The following REC114 variants were observed in gnomAD, a reference collection of about 807,000 sequenced individuals.
REC114 encodes REC114 meiotic recombination protein.
A neutral mutation model predicts 31.3 loss-of-function variants in REC114; 27 were observed. That is an observed-to-expected ratio of 0.86 (90% CI 0.64 to 1.19). The LOEUF (loss-of-function observed/expected upper bound fraction) is 1.19, where lower values mean the gene tolerates loss of function less well. Ranked by LOEUF, REC114 falls within the 50% of genes most tolerant of loss-of-function variation. The pLI, the probability that REC114 is intolerant of heterozygous loss-of-function variation, is 0.00. For missense variants in REC114, 344 were observed against 326.9 expected, an observed-to-expected ratio of 1.05 and a Z score of -0.40; for synonymous variants, 134 against 127.7, an observed-to-expected ratio of 1.05 and a Z score of -0.33.
chr15:73,484,224 G>GT (rs1893335796), intron 2 of REC114, among the ~76,000 whole-genome samples: 1 of 152,096 alleles, frequency 6.6e-6, no homozygotes, highest in Non-Finnish European at 1.5e-5. Flanking sequence ...CTTGGATGAG[G>GT]TGTAGGATAA....
chr15:73,554,344 G>A (rs561308212), intron 4 of REC114, among the ~76,000 whole-genome samples: 4 of 152,220 alleles, frequency 2.6e-5, no homozygotes, highest in East Asian at 1.9e-4. Context: ...CGTCTTAAGC[G>A]GCACAAGCCA....
At chr15:73,551,672 G>A (rs1266912881) in intron 4 of REC114, among the ~76,000 whole-genome samples, 1 of 152,160 alleles carries the variant, frequency 6.6e-6, no homozygotes, top group East Asian at 1.9e-4. Flanking sequence ...GCACCTGTGT[G>A]ACATTTGTAT....
At chr15:73,554,301 A>G (rs962020475) in intron 4 of REC114, among the ~76,000 whole-genome samples, 11 of 152,108 alleles carry the variant, frequency 7.2e-5, no homozygotes, top group Non-Finnish European at 1.5e-4. Context: ...TCTGTTGTAC[A>G]AATTTTGGTA....
chr15:73,453,281 T>C (rs1892875160), intron 1 of REC114, among the ~76,000 whole-genome samples: 1 of 152,118 alleles, frequency 6.6e-6, no homozygotes, highest in Non-Finnish European at 1.5e-5. Context: ...TTAAACAAAT[T>C]TACAAGAAAA....
intron 1 of REC114, among the ~76,000 whole-genome samples, chr15:73,444,569 C>T (rs887842519): frequency 1.3e-5 from 2 of 152,302 alleles, no homozygotes; most frequent in African/African-American, 4.8e-5. Flanking sequence ...TTCTAGTTCT[C>T]TTGCTCTTTC....
In REC114 at chr15:73,476,157, CT is replaced by C. The variant is rs202061557; in HGVS notation, c.249+2237del. 2.7e-3 allele frequency among the ~76,000 whole-genome samples: 407 copies of C among 152,184 alleles called. 2 individuals carry two copies. Among genetic ancestry groups the C allele is most frequent in the African/African-American group, 9.4e-3 (392 of 41,516 alleles). On this transcript the variant is annotated intron_variant, in intron 2 of 5. Coordinates refer to ENST00000331090, the MANE Select transcript of REC114 (RefSeq NM_001042367.2). ...AATGACACATTTCTTAGAACATATC[CT>C]CATTGTTAAGTGACATATGACTATA...
intron 4 of REC114, among the ~76,000 whole-genome samples, chr15:73,555,742 GTTT>G (rs1894457669): frequency 1.3e-5 from 2 of 152,108 alleles, no homozygotes; most frequent in African/African-American, 4.8e-5. Context: ...ATATCTGTAA[GTTT>G]TACTTACAGA....
rs192068449 is a variant in REC114, at chr15:73,457,255, A to G, written c.159+13911A>G. On this transcript the variant is annotated intron_variant, in intron 1 of 5. Transcript: ENST00000331090. ...GTTTTCTCTACTAAGAACAGGCACT[A>G]TTCCCTGTCCTGTGTGAGCTCTGGG... 2.0e-3 allele frequency among the ~76,000 whole-genome samples: 306 copies of G among 152,202 alleles called. 1 individual carries two copies. The highest frequency in any genetic ancestry group is 6.2e-3 in the African/African-American group (257 of 41,520).
intron 2 of REC114, among the ~76,000 whole-genome samples, chr15:73,536,812 T>C (rs1043410320): frequency 6.6e-6 from 1 of 152,242 alleles, no homozygotes; most frequent in Non-Finnish European, 1.5e-5. Context: ...TTTGTGGTCA[T>C]CACTGCTCCC....
chr15:73,514,219 G>A (rs1394798185), intron 2 of REC114, among the ~76,000 whole-genome samples: 12 of 151,152 alleles, frequency 7.9e-5, no homozygotes, highest in Non-Finnish European at 1.2e-4. Context: ...AGGTGCGTCC[G>A]TCACCCCTTT....
intron 1 of REC114, among the ~76,000 whole-genome samples, chr15:73,464,916 G>T (rs973832375): frequency 1.3e-5 from 2 of 152,012 alleles, no homozygotes; most frequent in African/African-American, 4.8e-5. Flanking sequence ...TTTTGAGATG[G>T]AGTCTCACTG....
intron 1 of REC114, among the ~76,000 whole-genome samples, chr15:73,469,748 G>A (rs550247497): frequency 2.0e-5 from 3 of 146,954 alleles, no homozygotes; most frequent in Non-Finnish European, 4.5e-5. Context: ...GCAGTGGCGC[G>A]ATCTTGGCTC....
intron 2 of REC114, among the ~76,000 whole-genome samples, chr15:73,495,501 C>A (rs1893508039): frequency 2.0e-5 from 3 of 148,442 alleles, no homozygotes; most frequent in Non-Finnish European, 3.0e-5. Flanking sequence ...TTTTGCACTG[C>A]CAGTCTTAAA....
chr15:73,538,873 C>G (rs191503231), intron 2 of REC114, among the ~76,000 whole-genome samples: 2 of 151,534 alleles, frequency 1.3e-5, no homozygotes, highest in Non-Finnish European at 2.9e-5. Context: ...TTGATGCATA[C>G]CTGAGTTGTT....
Position 73,559,900 on chromosome 15 carries a change from C to A in REC114, c.785C>A (p.Ala262Glu), listed in dbSNP as rs772982831. ...EEVEKELKKL[A>E]GLRN ...GTAGAAAAGGAACTGAAAAAGCTGG[C>A]GGGTTTGAGAAATTAATGCTCTATA... The change falls in exon 6 of 6, where the codon GCG (alanine) becomes GAG (glutamate). Residue 262 changes from alanine to glutamate, a missense_variant. Transcript: ENST00000331090. 116 of 1,610,194 alleles carry A rather than the reference C, an allele frequency of 7.2e-5. No individual in the cohort carries two copies. The highest frequency in any genetic ancestry group is 9.6e-5 in the Non-Finnish European group (113 of 1,178,776).
At position 73,500,362 on chromosome 15, in the gene REC114, A is replaced by AAC. The variant is rs550210432; in HGVS notation, c.249+26442_249+26443insCA. On this transcript the variant is annotated intron_variant, in intron 2 of 5. Coordinates refer to ENST00000331090, the MANE Select transcript of REC114 (RefSeq NM_001042367.2). ...CCTTCACAGAAATAGCAAAAAAAAA[A>AAC]AAAAAACTTGTTTCCCCAAAGAAAC... 1.0e-3 allele frequency among the ~76,000 whole-genome samples: 158 copies of AAC among 151,934 alleles called. 2 individuals are homozygous for AAC. The highest frequency in any genetic ancestry group is 3.6e-3 in the African/African-American group (148 of 41,442).
rs1041806764 is a variant in REC114 at position 73,514,643 on chromosome 15, A to G, written c.250-25842A>G. ...GCAACATTAAAGTAATGGTTTTTAC[A>G]AATCGTTGGTTCTATATGATAGGCA... is the stretch of plus-strand genomic sequence containing the variant. On this transcript the variant is annotated intron_variant, in intron 2 of 5. Transcript: ENST00000331090. 2.6e-5 allele frequency among the ~76,000 whole-genome samples: 4 copies of G among 152,360 alleles called. No individual in the cohort carries two copies. The East Asian group carries it at 7.7e-4, about 29-fold the overall frequency.
intron 2 of REC114, among the ~76,000 whole-genome samples, chr15:73,522,080 T>C (rs1295424094): frequency 6.7e-6 from 1 of 150,018 alleles, no homozygotes; most frequent in Non-Finnish European, 1.5e-5. Flanking sequence ...CATTTTGATA[T>C]GAATTTTTAG....
At chr15:73,550,819 A>T in intron 3 of REC114, 119 bp from the exon 4 acceptor site, 1 of 845,340 alleles carries the variant, frequency 1.2e-6, no homozygotes, top group Non-Finnish European at 1.9e-6. Flanking sequence ...AGTGAAGATG[A>T]CTGTTCCCTT....
Sources: gnomAD v4.1 joint callset for allele counts (sites outside exome capture counted in the v4.1 genomes callset) on GRCh38, gnomAD v4.1.1 for gene constraint, MANE v1.5 for transcripts, NCBI Gene and HGNC (gene_info 2026-07-23, HGNC 2026-07-21) for gene names.